Variants in SLCO1B1 observed in about 807,000 individuals in gnomAD.
SLCO1B1 encodes the protein solute carrier organic anion transporter family member 1B1.
Under a neutral mutation model 70.1 loss-of-function variants are expected in SLCO1B1, and 81 were observed. The ratio of observed to expected loss-of-function variants is 1.16; its 90% CI spans 0.97 to 1.39. The LOEUF (loss-of-function observed/expected upper bound fraction) is 1.39. Ranked by LOEUF, SLCO1B1 falls within the 40% of genes most tolerant of loss-of-function variation. SLCO1B1 has a pLI of 0.00. For missense variants in SLCO1B1, 895 were observed against 799.6 expected (o/e 1.12, Z -1.44); for synonymous variants, 283 against 271.5 (o/e 1.04, Z -0.42).
Position 21,222,362 on chromosome 12 carries a change from T to C in SLCO1B1, c.1745T>C (p.Leu582Pro). 1.7e-6 allele frequency: 1 copy of C among 576,334 alleles called. No individual in the cohort carries two copies. Among genetic ancestry groups the C allele is most frequent in the Non-Finnish European group, 2.4e-6 (1 of 411,782 alleles). 35.7% of individuals were successfully genotyped at this position (576,334 alleles called of 1,614,324 possible). Residue 582 changes from leucine (L) to proline (P), a missense_variant and splice_region_variant, in exon 13 of 15, where the codon CTA (leucine) becomes CCA (proline). Transcript: ENST00000256958. ...LGFHSMVIRA[L>P]GGILAPIYFG... Reference sequence around the variant, plus strand: ...TTCCACTCAATGGTTATACGAGCACTAGGTATGATGAAAAAAAAAAAAAAA... The same window carrying C: ...TTCCACTCAATGGTTATACGAGCACCAGGTATGATGAAAAAAAAAAAAAAA...
intron 6 of SLCO1B1, 91 bp downstream of exon 6, chr12:21,178,813 T>G: frequency 7.3e-7 from 1 of 1,373,348 alleles, no homozygotes; most frequent in Non-Finnish European, 1.0e-6. Context: ...TTTTACCTAT[T>G]AGAACATATA....
chr12:21,206,500 C>T (rs1941216476), intron 11 of SLCO1B1, among the ~76,000 whole-genome samples: 1 of 151,896 alleles, frequency 6.6e-6, no homozygotes, highest in South Asian at 2.1e-4. Context: ...TCTGGGATCA[C>T]TACCCTTTTT....
At chr12:21,180,846 T>G (rs1218063129) in intron 7 of SLCO1B1, among the ~76,000 whole-genome samples, 2 of 152,162 alleles carry the variant, frequency 1.3e-5, no homozygotes, top group African/African-American at 4.8e-5. Context: ...TTTTATAAGC[T>G]CTCTAAATAA....
At chr12:21,211,670 A>G (rs992885410) in intron 11 of SLCO1B1, among the ~76,000 whole-genome samples, 6 of 151,886 alleles carry the variant, frequency 4.0e-5, no homozygotes, top group Non-Finnish European at 7.4e-5. Context: ...GGTAGAATTC[A>G]GCTGTGAATC....
At chr12:21,175,951 A>G (rs1565673463) in intron 4 of SLCO1B1, among the ~76,000 whole-genome samples, 1 of 152,018 alleles carries the variant, frequency 6.6e-6, no homozygotes, top group Non-Finnish European at 1.5e-5. Flanking sequence ...TGCACCTGGT[A>G]TTTCTACAGC....
intron 2 of SLCO1B1, among the ~76,000 whole-genome samples, chr12:21,161,709 T>C (rs1299906172): frequency 1.3e-5 from 2 of 151,908 alleles, no homozygotes; most frequent in African/African-American, 2.4e-5. Context: ...TTAGTAATCA[T>C]AAATGTCAAA....
chr12:21,220,917 A>G (rs775845770), intron 12 of SLCO1B1, among the ~76,000 whole-genome samples: 3 of 152,122 alleles, frequency 2.0e-5, no homozygotes, highest in Non-Finnish European at 4.4e-5. Context: ...GATGGCACAT[A>G]AGAAAAATTT....
intron 14 of SLCO1B1, 118 bp downstream of exon 14, chr12:21,224,957 C>T: frequency 1.7e-6 from 1 of 597,550 alleles, no homozygotes. Context: ...TGAAAACTGA[C>T]TTTGCATGCA....
At chr12:21,186,214 CAA>C (rs931065035) in intron 7 of SLCO1B1, among the ~76,000 whole-genome samples, 1 of 151,962 alleles carries the variant, frequency 6.6e-6, no homozygotes, top group African/African-American at 2.4e-5. Flanking sequence ...CATCTACAGT[CAA>C]GAGAAGTGAA....
chr12:21,196,385 T>A (rs2121138660), intron 7 of SLCO1B1, among the ~76,000 whole-genome samples: 1 of 152,304 alleles, frequency 6.6e-6, no homozygotes, highest in African/African-American at 2.4e-5. Flanking sequence ...GGTTAAATTA[T>A]CCTTAACTTT....
At chr12:21,192,823 A>T (rs1941046035) in intron 7 of SLCO1B1, among the ~76,000 whole-genome samples, 1 of 152,174 alleles carries the variant, frequency 6.6e-6, no homozygotes, top group Admixed American at 6.5e-5. Context: ...AATGAAATTT[A>T]CCCTACAAAT....
At chr12:21,132,612 T>C (rs1163431549) in intron 1 of SLCO1B1, among the ~76,000 whole-genome samples, 1 of 152,158 alleles carries the variant, frequency 6.6e-6, no homozygotes, top group East Asian at 1.9e-4. Flanking sequence ...TTTCACGTGT[T>C]TTTTGGCTGC....
rs12313667 is a variant in SLCO1B1 at position 21,155,117 on chromosome 12, T to A, written c.84+13459T>A. On this transcript the variant is annotated intron_variant, in intron 2 of 14. Coordinates refer to ENST00000256958, the MANE Select transcript of SLCO1B1 (RefSeq NM_006446.5). ...AACCTGCATTTTTTGTTTTTTTTAATCTTAGTAAATTATTTGAAAATTTTC... is the reference window on the plus strand; with the variant it reads ...AACCTGCATTTTTTGTTTTTTTTAAACTTAGTAAATTATTTGAAAATTTTC... Among the ~76,000 whole-genome samples, 521 of 151,922 alleles carry A rather than the reference T, an allele frequency of 3.4e-3. 5 individuals carry two copies. The highest frequency in any genetic ancestry group is 0.012 in the African/African-American group (501 of 41,506).
At chr12:21,153,145 T>C (rs1940496556) in intron 2 of SLCO1B1, among the ~76,000 whole-genome samples, 1 of 152,178 alleles carries the variant, frequency 6.6e-6, no homozygotes, top group Admixed American at 6.5e-5. Flanking sequence ...CCTCACCTCT[T>C]TTACAGATCC....
At chr12:21,143,180 T>C (rs1007582514) in intron 2 of SLCO1B1, among the ~76,000 whole-genome samples, 1 of 152,082 alleles carries the variant, frequency 6.6e-6, no homozygotes, top group African/African-American at 2.4e-5. Flanking sequence ...CTGAGCTTAC[T>C]TTTTATTCAT....
chr12:21,222,283 C>T lies in SLCO1B1; in HGVS notation c.1683-17C>T, dbSNP rs777883654. ...TTTAATGATATTTAATGTTTCTTTG[C>T]CTTTGTCTTGTTTCAGAATTGTTCA... On this transcript the variant is annotated splice_polypyrimidine_tract_variant and intron_variant, in intron 12 of 14. Coordinates refer to ENST00000256958, the MANE Select transcript of SLCO1B1 (RefSeq NM_006446.5). 7.6e-7 allele frequency: 1 copy of T among 1,312,720 alleles called. No individual in the cohort carries two copies. Among genetic ancestry groups the T allele is most frequent in the South Asian group, 1.5e-5 (1 of 66,514 alleles). 81.3% of individuals were successfully genotyped at this position (1,312,720 alleles called of 1,614,324 possible).
At chr12:21,141,794 A>C in intron 2 of SLCO1B1, 136 bp downstream of exon 2, 1 of 574,472 alleles carries the variant, frequency 1.7e-6, no homozygotes, top group Non-Finnish European at 3.1e-6. Flanking sequence ...ATATTAACAT[A>C]ATGATTCATA....
Position 21,145,473 on chromosome 12 carries a change from A to ATTTTTTTTTTTTT in SLCO1B1, c.84+3829_84+3841dup, listed in dbSNP as rs35334634. 1.1e-3 allele frequency among the ~76,000 whole-genome samples: 81 copies of ATTTTTTTTTTTTT among 76,086 alleles called. 7 individuals are homozygous for ATTTTTTTTTTTTT. The highest frequency in any genetic ancestry group is 0.017 in the Middle Eastern group (1 of 60). The allele number at this position is 76,086 out of a possible 152,430, so 49.9% of individuals were successfully genotyped here. On this transcript the variant is annotated intron_variant, in intron 2 of 14. Coordinates refer to ENST00000256958, the MANE Select transcript of SLCO1B1 (RefSeq NM_006446.5). Reference sequence around the variant, plus strand: ...TGCCACTTCACCCAGCATTTTTTTCATTTTTTTTTTTTTTTTTTTTTTTTT... The same window carrying ATTTTTTTTTTTTT: ...TGCCACTTCACCCAGCATTTTTTTCATTTTTTTTTTTTTTTTTTTTTTTTTTTTTTTTTTTTTT...
chr12:21,198,947 A>G (rs1056289459), intron 8 of SLCO1B1, among the ~76,000 whole-genome samples: 2 of 152,124 alleles, frequency 1.3e-5, no homozygotes, highest in Non-Finnish European at 2.9e-5. Context: ...CTGTTGAAGA[A>G]AGGCCACAAC....
Sources: gnomAD v4.1 joint callset for allele counts (sites outside exome capture counted in the v4.1 genomes callset) on GRCh38, gnomAD v4.1.1 for gene constraint, MANE v1.5 for transcripts, NCBI Gene and HGNC (gene_info 2026-07-23, HGNC 2026-07-21) for gene names.